Variants in ELK3 observed in about 807,000 individuals in gnomAD.
ELK3 encodes ETS domain-containing protein Elk-3.
A neutral mutation model predicts 28.9 loss-of-function variants in ELK3; 10 were observed. The observed-to-expected ratio is 0.35, with a 90% CI of 0.21 to 0.59. ELK3 has a LOEUF of 0.59. Ranked by LOEUF, ELK3 falls within the 20% of genes least tolerant of loss-of-function variation. The pLI is 0.82. For synonymous variants in ELK3, 272 were observed against 243.5 expected, an observed-to-expected ratio of 1.12 and a Z score of -1.09; for missense variants, 463 against 517.3, an observed-to-expected ratio of 0.90 and a Z score of 1.02.
At chr12:96,232,523 A>G (rs971548279) in intron 2 of ELK3, among the ~76,000 whole-genome samples, 1 of 151,628 alleles carries the variant, frequency 6.6e-6, no homozygotes, top group Admixed American at 6.6e-5. Context: ...GTGGGCCGAG[A>G]TCACATCACT....
intron 2 of ELK3, among the ~76,000 whole-genome samples, chr12:96,238,755 C>T (rs550079183): frequency 9.9e-5 from 15 of 152,156 alleles, no homozygotes; most frequent in East Asian, 1.9e-4. Flanking sequence ...ATGGACCTTA[C>T]GGAAGATTGG....
At position 96,247,428 on chromosome 12, in the gene ELK3, T is replaced by C. The variant is rs750085077; in HGVS notation, c.696T>C (p.Ser232=). 6.2e-7 allele frequency: 1 copy of C among 1,614,134 alleles called. No individual in the cohort carries two copies. Among genetic ancestry groups the C allele is most frequent in the Non-Finnish European group, 8.5e-7 (1 of 1,180,046 alleles). Residue 232 remains serine (S), a synonymous_variant, in exon 3 of 5, where the codon AGT becomes AGC. Coordinates refer to ENST00000228741, the MANE Select transcript of ELK3 (RefSeq NM_005230.4). This position sits in a 1 kb window ranked among gnomAD's most constrained non-coding sequence, Gnocchi z 5.5. ...CTTTAATGTTGCCAAACGCTGCCAG[T>C]ATTTCATCCGCCTCACCCTTCTCAT... ...ISSLMLPNAA[S]ISSASPFSSR...
intron 3 of ELK3, among the ~76,000 whole-genome samples, chr12:96,255,124 T>C (rs552178177): frequency 6.6e-6 from 1 of 151,974 alleles, no homozygotes; most frequent in East Asian, 1.9e-4. Flanking sequence ...GTCAGAGGGA[T>C]GGATCTGATG....
At chr12:96,238,994 C>G (rs892484181) in intron 2 of ELK3, among the ~76,000 whole-genome samples, 5 of 152,152 alleles carry the variant, frequency 3.3e-5, no homozygotes, top group African/African-American at 1.2e-4. Context: ...GGTCTTGGCA[C>G]TAGATACAAT....
At chr12:96,202,138 C>G (rs1951511420) in intron 1 of ELK3, among the ~76,000 whole-genome samples, 1 of 152,296 alleles carries the variant, frequency 6.6e-6, no homozygotes, top group South Asian at 2.1e-4. Context: ...CCCTTCTCTC[C>G]CCAGGAGCTA....
intron 1 of ELK3, among the ~76,000 whole-genome samples, chr12:96,221,601 C>T (rs933437574): frequency 5.9e-5 from 9 of 152,178 alleles, no homozygotes; most frequent in East Asian, 5.8e-4. Context: ...AACTGTTAGC[C>T]GTTCTTAGTG....
At chr12:96,252,036 A>G (rs1422567783) in intron 3 of ELK3, among the ~76,000 whole-genome samples, 1 of 152,284 alleles carries the variant, frequency 6.6e-6, no homozygotes, top group Non-Finnish European at 1.5e-5. Flanking sequence ...GCCTGGCTTC[A>G]GAGCTTCAAA....
At chr12:96,222,640 A>G (rs951054449) in intron 1 of ELK3, among the ~76,000 whole-genome samples, 1 of 152,324 alleles carries the variant, frequency 6.6e-6, no homozygotes, top group South Asian at 2.1e-4. Flanking sequence ...AGCTCATCAC[A>G]GTAGGAAAGG....
intron 1 of ELK3, among the ~76,000 whole-genome samples, chr12:96,196,755 T>G (rs956970793): frequency 3.3e-5 from 5 of 151,728 alleles, no homozygotes; most frequent in Admixed American, 6.6e-5. Context: ...GTGTTTTTTT[T>G]TTTTTTTTTT....
intron 2 of ELK3, among the ~76,000 whole-genome samples, chr12:96,240,870 G>A (rs1306967130): frequency 2.6e-5 from 4 of 152,336 alleles, no homozygotes; most frequent in East Asian, 1.9e-4. Flanking sequence ...GACTAAGCAC[G>A]TGAACTCCAG....
At chr12:96,236,683 G>T (rs1332035267) in intron 2 of ELK3, among the ~76,000 whole-genome samples, 1 of 152,194 alleles carries the variant, frequency 6.6e-6, no homozygotes, top group Non-Finnish European at 1.5e-5. Context: ...AGTGGGAAGG[G>T]CTAGTTGCAC....
At chr12:96,200,697 C>T (rs1054721015) in intron 1 of ELK3, among the ~76,000 whole-genome samples, 31 of 152,228 alleles carry the variant, frequency 2.0e-4, no homozygotes, top group African/African-American at 7.0e-4. Flanking sequence ...GTGTCTGGCT[C>T]TGTTGCCCAG....
intron 2 of ELK3, among the ~76,000 whole-genome samples, chr12:96,233,082 C>T (rs1279449192): frequency 6.6e-6 from 1 of 152,198 alleles, no homozygotes; most frequent in African/African-American, 2.4e-5. Flanking sequence ...AACCATACAG[C>T]CTTGATCTTT....
rs577970353 is a variant in ELK3, at chr12:96,206,547, C to G, written c.-3+11842C>G. 3.3e-5 allele frequency among the ~76,000 whole-genome samples: 5 copies of G among 152,264 alleles called. No individual in the cohort carries two copies. In the South Asian group the frequency reaches 8.3e-4, roughly 25 times the overall value. ...TTGAACACCTCACCTCGTGATCTGC[C>G]TGCCTTGGCCTCCCAAAGTGCAGGG... On this transcript the variant is annotated intron_variant, in intron 1 of 4. Transcript: ENST00000228741.
chr12:96,219,483 G>T (rs539776866), intron 1 of ELK3, among the ~76,000 whole-genome samples: 7 of 152,184 alleles, frequency 4.6e-5, no homozygotes, highest in Non-Finnish European at 1.0e-4. Flanking sequence ...AATGTACAGT[G>T]TGATTGTATG....
chr12:96,218,291 G>A (rs926343276), intron 1 of ELK3, among the ~76,000 whole-genome samples: 3 of 152,148 alleles, frequency 2.0e-5, no homozygotes, highest in Non-Finnish European at 4.4e-5. Context: ...GATGTGAAGG[G>A]GGCACCTCTT....
intron 1 of ELK3, among the ~76,000 whole-genome samples, chr12:96,195,476 C>T (rs1193810386): frequency 6.6e-6 from 1 of 152,140 alleles, no homozygotes; most frequent in Non-Finnish European, 1.5e-5. Flanking sequence ...TGGCCTGTGA[C>T]GCTACTGTAA....
chr12:96,267,071 G>C lies in ELK3; in HGVS notation c.1126-11G>C. 5.6e-6 allele frequency: 9 copies of C among 1,602,298 alleles called. No homozygotes were observed. The highest frequency in any genetic ancestry group is 6.8e-6 in the Non-Finnish European group (8 of 1,176,150). On this transcript the variant is annotated splice_polypyrimidine_tract_variant and intron_variant, in intron 4 of 4. Coordinates refer to ENST00000228741, the MANE Select transcript of ELK3 (RefSeq NM_005230.4). Reference sequence around the variant, plus strand: ...GCAATAATTATTGTAAAAATCTTTTGTCCCCTACAGTTCCCCACACTGCTT... The same window carrying C: ...GCAATAATTATTGTAAAAATCTTTTCTCCCCTACAGTTCCCCACACTGCTT...
intron 1 of ELK3, among the ~76,000 whole-genome samples, chr12:96,202,523 C>CTT (rs67138285): frequency 0.038 from 4,174 of 108,534 alleles, 375 homozygotes; most frequent in African/African-American, 0.11. Context: ...TTACCACAAG[C>CTT]TTTTTTTTTT....
Sources: gnomAD v4.1 joint callset for allele counts (sites outside exome capture counted in the v4.1 genomes callset) on GRCh38, gnomAD v4.1.1 for gene constraint, Gnocchi (gnomAD v3.1) non-coding constraint, MANE v1.5 for transcripts, NCBI Gene and HGNC (gene_info 2026-07-23, HGNC 2026-07-21) for gene names.